Variants in COBLL1 observed in about 807,000 individuals in gnomAD.
COBLL1 encodes cordon-bleu protein-like 1.
Under a neutral mutation model 94.8 loss-of-function variants are expected in COBLL1, and 50 were observed. The observed-to-expected ratio is 0.53, with a 90% CI of 0.42 to 0.67. COBLL1 has a LOEUF of 0.67. COBLL1 is among the 30% of genes least tolerant of loss of function. COBLL1 has a pLI of 0.00. For missense variants in COBLL1, 1,362 were observed against 1,348.7 expected, an observed-to-expected ratio of 1.01 and a Z score of -0.15; for synonymous variants, 448 against 473.8, an observed-to-expected ratio of 0.95 and a Z score of 0.71.
chr2:164,709,935 G>A (rs1030695316), intron 7 of COBLL1, among the ~76,000 whole-genome samples: 1 of 151,996 alleles, frequency 6.6e-6, no homozygotes, highest in African/African-American at 2.4e-5. Context: ...AGAATAGTGA[G>A]TTTAGATAAT....
chr2:164,731,514 C>G (rs1297189750), intron 3 of COBLL1, among the ~76,000 whole-genome samples: 1 of 152,160 alleles, frequency 6.6e-6, no homozygotes, highest in Non-Finnish European at 1.5e-5. Flanking sequence ...GGAAAGCACA[C>G]TAAAAAATCT....
chr2:164,787,035 C>T (rs1020273185), intron 2 of COBLL1, among the ~76,000 whole-genome samples: 1 of 152,116 alleles, frequency 6.6e-6, no homozygotes, highest in Non-Finnish European at 1.5e-5. Context: ...CATTCCTTCG[C>T]CCCCAAGGGT....
intron 2 of COBLL1, among the ~76,000 whole-genome samples, chr2:164,658,003 G>A (rs903828726): frequency 6.6e-6 from 1 of 151,988 alleles, no homozygotes; most frequent in Admixed American, 6.5e-5. Flanking sequence ...TTGCCGGCTT[G>A]AATGCCTGGG....
intron 7 of COBLL1, among the ~76,000 whole-genome samples, chr2:164,716,027 T>A (rs1182366712): frequency 6.6e-6 from 1 of 152,222 alleles, no homozygotes; most frequent in Non-Finnish European, 1.5e-5. Context: ...TGACTCTTCT[T>A]CCACTTATTC....
Position 164,695,767 on chromosome 2 carries a change from G to C in COBLL1, c.1625C>G (p.Thr542Arg), listed in dbSNP as rs776363347. ...EDNMKNGVKK[T>R]EINVEGVAKN... ...GGCAACACCTTCTACATTGATTTCT[G>C]TTTTCTTCACTCCATTTTTCATATT... Residue 542 changes from threonine to arginine, a missense_variant, in exon 12 of 14, where the codon ACA becomes AGA. Physicochemically the swap from Thr to Arg is moderately conservative, Grantham distance 71. Transcript: ENST00000652658. 1 of 1,612,228 alleles carries C rather than the reference G, an allele frequency of 6.2e-7. No individual in the cohort carries two copies. Among genetic ancestry groups the C allele is most frequent in the Non-Finnish European group, 8.5e-7 (1 of 1,179,346 alleles).
At chr2:164,757,609 C>T (rs1687476422) in intron 2 of COBLL1, among the ~76,000 whole-genome samples, 1 of 152,066 alleles carries the variant, frequency 6.6e-6, no homozygotes, top group African/African-American at 2.4e-5. Flanking sequence ...GAGTCACCAA[C>T]ACAGACCAAG....
Position 164,841,501 on chromosome 2 carries a change from T to G in COBLL1, c.-51+209A>C, listed in dbSNP as rs1574688472. On this transcript the variant is annotated intron_variant, in intron 1 of 13. Coordinates refer to ENST00000652658, the MANE Select transcript of COBLL1 (RefSeq NM_001365672.2). This position sits in a 1 kb window ranked among gnomAD's most constrained non-coding sequence, Gnocchi z 5.5. ...CCCCCGCCCCGTGGGGTTTACTGGG[T>G]AGCCATTTGGCGCCTCTCGGAGGGA... is the stretch of plus-strand genomic sequence containing the variant. 9.2e-7 allele frequency: 1 copy of G among 1,091,462 alleles called. No homozygotes were observed. Among genetic ancestry groups the G allele is most frequent in the Non-Finnish European group, 1.1e-6 (1 of 891,202 alleles). The allele number at this position is 1,091,462 out of a possible 1,614,324, so 67.6% of individuals were successfully genotyped here. A position where few individuals can be genotyped will look rare whatever the true frequency, so the allele number is the denominator to read the frequency against.
intron 2 of COBLL1, 34 bp from the exon 3 acceptor site, chr2:164,743,909 T>A (rs1686728022): frequency 1.4e-6 from 2 of 1,399,678 alleles, no homozygotes; most frequent in Non-Finnish European, 1.9e-6. Context: ...AAATACAAAA[T>A]ATTTTATTTT....
At chr2:164,665,376 C>T (rs1574385153) in intron 2 of COBLL1, among the ~76,000 whole-genome samples, 1 of 147,648 alleles carries the variant, frequency 6.8e-6, no homozygotes, top group East Asian at 2.0e-4. Flanking sequence ...GAATGAATAG[C>T]TACTGAAAAG....
intron 2 of COBLL1, among the ~76,000 whole-genome samples, chr2:164,824,065 C>A (rs902128721): frequency 2.0e-5 from 3 of 152,098 alleles, no homozygotes; most frequent in South Asian, 2.1e-4. Flanking sequence ...ATAGTATACA[C>A]AGTTAAAAGC....
chr2:164,673,168 T>C (rs957281105), intron 1 of COBLL1, among the ~76,000 whole-genome samples: 5 of 152,342 alleles, frequency 3.3e-5, no homozygotes, highest in African/African-American at 1.2e-4. Flanking sequence ...TAGTGAAATT[T>C]GTCTGTTCTC....
intron 9 of COBLL1, chr2:164,703,511 T>A (rs1323971001): frequency 4.2e-5 from 17 of 403,398 alleles, no homozygotes; most frequent in Admixed American, 8.7e-5. Flanking sequence ...GCCATTTATA[T>A]TATTCTGAGT....
chr2:164,693,792 G>A (rs1683742931), intron 12 of COBLL1, among the ~76,000 whole-genome samples: 1 of 152,128 alleles, frequency 6.6e-6, no homozygotes, highest in Non-Finnish European at 1.5e-5. Context: ...AGCTGAAGTT[G>A]AGTGTATATG....
chr2:164,820,905 T>G (rs1202628478), intron 2 of COBLL1, among the ~76,000 whole-genome samples: 1 of 152,210 alleles, frequency 6.6e-6, no homozygotes, highest in East Asian at 1.9e-4. Context: ...TGTTTTGTTT[T>G]GAGATGGAGT....
chr2:164,769,309 A>G (rs1254261404), intron 2 of COBLL1, among the ~76,000 whole-genome samples: 1 of 152,236 alleles, frequency 6.6e-6, no homozygotes, highest in Non-Finnish European at 1.5e-5. Flanking sequence ...CCATTCAACA[A>G]TCAGGCTGTC....
At chr2:164,777,361 T>C (rs1688515475) in intron 2 of COBLL1, among the ~76,000 whole-genome samples, 1 of 142,392 alleles carries the variant, frequency 7.0e-6, no homozygotes, top group Non-Finnish European at 1.6e-5. Context: ...CACACACACA[T>C]TACTGTTAAA....
intron 1 of COBLL1, chr2:164,665,952 T>C (rs772464776): frequency 6.6e-6 from 1 of 152,202 alleles, no homozygotes; most frequent in African/African-American, 2.4e-5. Flanking sequence ...AGAATGATGA[T>C]AGTTAACAAT....
intron 2 of COBLL1, among the ~76,000 whole-genome samples, chr2:164,744,078 A>G (rs554267650): frequency 1.3e-5 from 2 of 152,276 alleles, no homozygotes; most frequent in South Asian, 4.1e-4. Flanking sequence ...TGTTTTGAGT[A>G]CTATGCCTAC....
At chr2:164,822,456 AT>A (rs1685212208) in intron 2 of COBLL1, among the ~76,000 whole-genome samples, 1 of 152,122 alleles carries the variant, frequency 6.6e-6, no homozygotes, top group Non-Finnish European at 1.5e-5. Context: ...TGTTCCCCAT[AT>A]GCCTTCTGGG....
Sources: allele counts gnomAD v4.1 joint callset (sites outside exome capture counted in the v4.1 genomes callset), GRCh38; gene constraint gnomAD v4.1.1; non-coding constraint Gnocchi (gnomAD v3.1); transcripts MANE v1.5; gene names NCBI Gene and HGNC (gene_info 2026-07-23, HGNC 2026-07-21).